The following INO80 variants were observed in gnomAD, a reference collection of about 807,000 sequenced individuals.
INO80 encodes chromatin-remodeling ATPase INO80.
Under a neutral mutation model 203.4 loss-of-function variants are expected in INO80, and 20 were observed. The ratio of observed to expected loss-of-function variants is 0.10; its 90% CI spans 0.07 to 0.14. INO80 has a LOEUF of 0.14. Among genes scored for constraint, INO80 ranks in the 10% least tolerant of loss-of-function variants. The pLI, the probability that INO80 is intolerant of heterozygous loss-of-function variation, is 1.00. For synonymous variants in INO80, 726 were observed against 685.2 expected (o/e 1.06, Z -0.93); for missense variants, 1,419 against 1,914.4 (o/e 0.74, Z 4.83).
At chr15:41,036,241 G>A (rs1467047618) in intron 24 of INO80, among the ~76,000 whole-genome samples, 6 of 148,180 alleles carry the variant, frequency 4.0e-5, no homozygotes, top group Admixed American at 3.4e-4. Flanking sequence ...CAGAAACAGT[G>A]TGAGATATCA....
chr15:41,064,985 C>T (rs1023169219), intron 14 of INO80, among the ~76,000 whole-genome samples: 1 of 151,616 alleles, frequency 6.6e-6, no homozygotes, highest in Non-Finnish European at 1.5e-5. Flanking sequence ...GGAAACAGAG[C>T]GAGACACTGT....
intron 1 of INO80, 96 bp downstream of exon 1, chr15:41,115,877 C>T: frequency 2.7e-6 from 1 of 375,228 alleles, no homozygotes; most frequent in Non-Finnish European, 4.7e-6. Context: ...GCGACGGCCC[C>T]TTTAAGACGC....
intron 24 of INO80, among the ~76,000 whole-genome samples, chr15:41,042,798 A>T (rs918672473): frequency 6.6e-6 from 1 of 152,166 alleles, no homozygotes; most frequent in Non-Finnish European, 1.5e-5. Context: ...TAATTATGAG[A>T]ACCATAAGCT....
intron 1 of INO80, among the ~76,000 whole-genome samples, chr15:41,108,527 G>A: frequency 6.7e-6 from 1 of 150,372 alleles, no homozygotes; most frequent in East Asian, 2.0e-4. Context: ...GGGAGGCGGA[G>A]CTTGCAGTGA....
chr15:41,044,779 C>T (rs1432262535), intron 24 of INO80, 125 bp downstream of exon 24: 3 of 721,858 alleles, frequency 4.2e-6, no homozygotes, highest in Non-Finnish European at 4.5e-6. Context: ...TATGCTGCAC[C>T]GCCCACTCCT....
At chr15:40,998,568 T>C (rs2043912803) in intron 28 of INO80, among the ~76,000 whole-genome samples, 2 of 152,128 alleles carry the variant, frequency 1.3e-5, no homozygotes, top group Admixed American at 6.6e-5. Context: ...AATAAACCAA[T>C]AGGTACCACT....
intron 29 of INO80, among the ~76,000 whole-genome samples, chr15:40,996,023 A>G (rs2043876548): frequency 6.6e-6 from 1 of 151,996 alleles, no homozygotes; most frequent in South Asian, 2.1e-4. Context: ...CAGAATGTGT[A>G]GTATCAGATT....
chr15:41,094,634 T>C (rs1424407751), intron 4 of INO80, among the ~76,000 whole-genome samples: 1 of 152,194 alleles, frequency 6.6e-6, no homozygotes, highest in Non-Finnish European at 1.5e-5. Flanking sequence ...ATGGAAGTTA[T>C]GGAATTAATA....
intron 29 of INO80, among the ~76,000 whole-genome samples, chr15:40,989,108 G>A (rs181496707): frequency 1.6e-4 from 25 of 152,258 alleles, no homozygotes; most frequent in African/African-American, 5.8e-4. Flanking sequence ...GAACCCAGGA[G>A]GCGGGGAGTA....
chr15:41,003,329 C>CTTTTTTTTTTTTTTTTTTTTTTT lies in INO80; in HGVS notation c.3497+2263_3497+2264insAAAAAAAAAAAAAAAAAAAAAAA, dbSNP rs771356698. The stretch of plus-strand genomic sequence containing the variant: ...TGGGATTGTGGGTGATTTTTCTTTT[C>CTTTTTTTTTTTTTTTTTTTTTTT]TTTTCTTTTTTTTTTTTTTGAGATG... On this transcript the variant is annotated intron_variant, in intron 28 of 35. Coordinates refer to ENST00000648947, the MANE Select transcript of INO80 (RefSeq NM_017553.3). Among the ~76,000 whole-genome samples the CTTTTTTTTTTTTTTTTTTTTTTT allele has an allele frequency of 1.6e-4, 17 of 107,576 alleles. 8 individuals are homozygous for CTTTTTTTTTTTTTTTTTTTTTTT. The highest frequency in any genetic ancestry group is 1.6e-4 in the African/African-American group (5 of 32,188). 70.6% of individuals were successfully genotyped at this position (107,576 alleles called of 152,430 possible).
At chr15:41,029,277 C>T (rs972825312) in intron 24 of INO80, among the ~76,000 whole-genome samples, 1 of 152,200 alleles carries the variant, frequency 6.6e-6, no homozygotes, top group African/African-American at 2.4e-5. Context: ...TCCACTTATA[C>T]AGCTTTATTT....
In INO80 at chr15:40,979,983, A is replaced by C. The variant is rs141637444; in HGVS notation, c.*240T>G. Reference sequence around the variant, plus strand: ...AAGACTTGGCTATACAGTTCACTTGAGATGCAGTGGGGCTGATCCATGCCC... The same window carrying C: ...AAGACTTGGCTATACAGTTCACTTGCGATGCAGTGGGGCTGATCCATGCCC... On this transcript the variant is annotated 3_prime_UTR_variant, in exon 36 of 36. Transcript: ENST00000648947. 120 of 557,162 alleles carry C rather than the reference A, an allele frequency of 2.2e-4. No individual in the cohort carries two copies. Among genetic ancestry groups the C allele is most frequent in the African/African-American group, 2.1e-3 (113 of 53,062 alleles). 34.5% of individuals were successfully genotyped at this position (557,162 alleles called of 1,614,324 possible). A position where few individuals can be genotyped will look rare whatever the true frequency, so the allele number is the denominator to read the frequency against.
intron 14 of INO80, among the ~76,000 whole-genome samples, chr15:41,062,334 G>T (rs1240618528): frequency 1.3e-5 from 2 of 152,070 alleles, no homozygotes; most frequent in African/African-American, 4.8e-5. Flanking sequence ...AAGTATGGTG[G>T]CTCATGCCTG....
intron 14 of INO80, 76 bp from the exon 15 acceptor site, chr15:41,060,002 A>G (rs1046693747): frequency 4.9e-6 from 5 of 1,027,542 alleles, no homozygotes; most frequent in African/African-American, 1.7e-5. Flanking sequence ...ATAATTCGGA[A>G]CAATTTAAAA....
intron 14 of INO80, among the ~76,000 whole-genome samples, chr15:41,067,013 T>C (rs901662426): frequency 2.0e-5 from 3 of 152,168 alleles, no homozygotes; most frequent in Admixed American, 2.0e-4. Context: ...CATTGCCATC[T>C]ATCAGCAGTG....
At chr15:41,103,967 G>C (rs545093231) in intron 1 of INO80, among the ~76,000 whole-genome samples, 28 of 152,002 alleles carry the variant, frequency 1.8e-4, no homozygotes, top group African/African-American at 6.7e-4. Flanking sequence ...TGTAATCCCA[G>C]CACCTTGGGA....
chr15:41,029,808 T>C (rs1390932274), intron 24 of INO80, among the ~76,000 whole-genome samples: 2 of 152,362 alleles, frequency 1.3e-5, no homozygotes, highest in Non-Finnish European at 2.9e-5. Flanking sequence ...GGTAAAAAGA[T>C]GTAGCCACGT....
intron 21 of INO80, among the ~76,000 whole-genome samples, chr15:41,048,894 T>C (rs975863544): frequency 1.3e-5 from 2 of 152,262 alleles, no homozygotes; most frequent in African/African-American, 4.8e-5. Context: ...AAATTTATCG[T>C]TGCTGACTCT....
intron 19 of INO80, among the ~76,000 whole-genome samples, chr15:41,050,480 G>T (rs527846148): frequency 2.0e-5 from 3 of 152,316 alleles, no homozygotes; most frequent in Non-Finnish European, 2.9e-5. Context: ...CAGAAAAACA[G>T]TTCTCTTTTC....
Sources: gnomAD v4.1 joint callset for allele counts (sites outside exome capture counted in the v4.1 genomes callset) on GRCh38, gnomAD v4.1.1 for gene constraint, MANE v1.5 for transcripts, NCBI Gene and HGNC (gene_info 2026-07-23, HGNC 2026-07-21) for gene names.